IGSF10: variants seen among roughly 807,000 people sequenced by gnomAD.
IGSF10 encodes immunoglobulin superfamily member 10.
A neutral mutation model predicts 128.2 loss-of-function variants in IGSF10; 126 were observed. The ratio of observed to expected loss-of-function variants is 0.98; its 90% CI spans 0.85 to 1.14. The LOEUF (loss-of-function observed/expected upper bound fraction) is 1.14. Among genes scored for constraint, IGSF10 ranks in the 50% most tolerant of loss-of-function variants. The pLI is 0.00. For synonymous variants in IGSF10, 1,185 were observed against 1,146.2 expected (o/e 1.03, Z -0.68); for missense variants, 3,295 against 3,149.8 (o/e 1.05, Z -1.10).
rs1174047748 is a variant in IGSF10 at position 151,457,949 on chromosome 3, A to G, written c.194+567T>C. On this transcript the variant is annotated intron_variant, in intron 3 of 7. Coordinates refer to ENST00000282466, the MANE Select transcript of IGSF10 (RefSeq NM_178822.5). ...CCCAGTGCATAGTACATGCTCACTAATGTCAAATAAACGATGCTAAGTCCA... is the reference window on the plus strand; with the variant it reads ...CCCAGTGCATAGTACATGCTCACTAGTGTCAAATAAACGATGCTAAGTCCA... Among the ~76,000 whole-genome samples the G allele has an allele frequency of 3.3e-5, 5 of 152,222 alleles. No individual in the cohort carries two copies. The East Asian group carries it at 9.6e-4, about 29-fold the overall frequency.
In IGSF10 at chr3:151,461,052, G is replaced by A. The variant is rs550727917; in HGVS notation, c.-195C>T. The A allele has an allele frequency of 1.0e-6, 1 of 985,360 alleles. No homozygotes were observed. Among genetic ancestry groups the A allele is most frequent in the East Asian group, 1.1e-4 (1 of 8,810 alleles). 61.0% of individuals were successfully genotyped at this position (985,360 alleles called of 1,614,324 possible). A position where few individuals can be genotyped will look rare whatever the true frequency, so the allele number is the denominator to read the frequency against. On this transcript the variant is annotated 5_prime_UTR_variant, in exon 1 of 8. Coordinates refer to ENST00000282466, the MANE Select transcript of IGSF10 (RefSeq NM_178822.5). ...GCGGAGCTGGTCCGGAGCTCTGGGA[G>A]GGAAGGAAGGAAGGCGGAGCGAGGG...
the IGSF10 span, among the ~76,000 whole-genome samples, chr3:151,512,400 T>C: frequency 3.3e-5 from 5 of 152,140 alleles, no homozygotes; most frequent in Admixed American, 3.3e-4. Flanking sequence ...AATAAAGATG[T>C]TCTTTGAAAC....
At chr3:151,512,384 G>T in the IGSF10 span, among the ~76,000 whole-genome samples, 404 of 152,150 alleles carry the variant, frequency 2.7e-3, no homozygotes, top group African/African-American at 9.4e-3. Context: ...ACGAAATGAA[G>T]GCAGAAATAA....
chr3:151,562,755 G>A, the IGSF10 span, among the ~76,000 whole-genome samples: 1 of 152,066 alleles, frequency 6.6e-6, no homozygotes, highest in Non-Finnish European at 1.5e-5. Context: ...ATTGACTCCA[G>A]TAGGGAAGGC....
the IGSF10 span, among the ~76,000 whole-genome samples, chr3:151,517,501 T>G: frequency 6.6e-6 from 1 of 152,110 alleles, no homozygotes; most frequent in South Asian, 2.1e-4. Flanking sequence ...TGCAGTCATC[T>G]TAGAATGTCA....
At chr3:151,505,009 G>A in the IGSF10 span, among the ~76,000 whole-genome samples, 1 of 152,114 alleles carries the variant, frequency 6.6e-6, no homozygotes, top group Non-Finnish European at 1.5e-5. Flanking sequence ...GTCTTCTTCT[G>A]AGCCCTCCAA....
At chr3:151,567,388 C>T in the IGSF10 span, among the ~76,000 whole-genome samples, 1 of 152,204 alleles carries the variant, frequency 6.6e-6, no homozygotes, top group East Asian at 1.9e-4. Context: ...TAAACCAGGA[C>T]TGTAGAAATT....
the IGSF10 span, among the ~76,000 whole-genome samples, chr3:151,615,555 T>C: frequency 3.0e-3 from 455 of 152,284 alleles, 5 homozygotes; most frequent in Admixed American, 0.027. Flanking sequence ...ATTCAAATTA[T>C]GCTGGGCATA....
the IGSF10 span, among the ~76,000 whole-genome samples, chr3:151,602,021 A>G: frequency 1.3e-5 from 2 of 151,474 alleles, no homozygotes; most frequent in African/African-American, 2.4e-5. Flanking sequence ...TTAGCATCTT[A>G]AGATTTTTTT....
In IGSF10 at chr3:151,437,554, C is replaced by T; in HGVS notation, c.7007G>A (p.Arg2336Lys). 6 of 1,614,176 alleles carry T rather than the reference C, an allele frequency of 3.7e-6. No homozygotes were observed. Among genetic ancestry groups the T allele is most frequent in the Non-Finnish European group, 5.1e-6 (6 of 1,180,036 alleles). The change falls in exon 8 of 8, where the codon AGA becomes AAA. Residue 2336 changes from arginine to lysine, a missense_variant. Coordinates refer to ENST00000282466, the MANE Select transcript of IGSF10 (RefSeq NM_178822.5). Reference sequence around the variant, plus strand: ...ATTAAATGGATTTCTAAATGTCGGTCTTCTCAGCATTTCCAGTACTTCTAA... The same window carrying T: ...ATTAAATGGATTTCTAAATGTCGGTTTTCTCAGCATTTCCAGTACTTCTAA... ...VQLEVLEMLR[R>K]PTFRNPFNEK...
the IGSF10 span, among the ~76,000 whole-genome samples, chr3:151,534,809 G>A: frequency 8.6e-5 from 13 of 151,092 alleles, no homozygotes; most frequent in African/African-American, 3.2e-4. Flanking sequence ...GTATGTGTGT[G>A]TGTGTGTGTG....
chr3:151,509,501 C>T, the IGSF10 span, among the ~76,000 whole-genome samples: 1 of 152,152 alleles, frequency 6.6e-6, no homozygotes, highest in Non-Finnish European at 1.5e-5. Flanking sequence ...GGGGGTAGAG[C>T]CAAGATGGCT....
chr3:151,547,471 C>T, the IGSF10 span, among the ~76,000 whole-genome samples: 1 of 149,990 alleles, frequency 6.7e-6, no homozygotes. Flanking sequence ...TTATTCAAAA[C>T]TAAACTGTTG....
the IGSF10 span, among the ~76,000 whole-genome samples, chr3:151,580,672 C>T: frequency 3.2e-4 from 48 of 152,020 alleles, no homozygotes; most frequent in African/African-American, 1.1e-3. Context: ...GCAGTTTTAA[C>T]GTTAAAAAAA....
At chr3:151,504,121 CAAG>C in the IGSF10 span, among the ~76,000 whole-genome samples, 6 of 152,092 alleles carry the variant, frequency 3.9e-5, no homozygotes, top group Admixed American at 1.3e-4. Context: ...TGGCCCCAGG[CAAG>C]AAGAAGGGGC....
the IGSF10 span, among the ~76,000 whole-genome samples, chr3:151,549,315 T>C: frequency 3.3e-3 from 506 of 152,286 alleles, no homozygotes; most frequent in African/African-American, 0.012. Context: ...GTGCCTGCTG[T>C]CTACCAGCCC....
At chr3:151,592,340 C>T in the IGSF10 span, among the ~76,000 whole-genome samples, 1 of 152,106 alleles carries the variant, frequency 6.6e-6, no homozygotes, top group Admixed American at 6.5e-5. Flanking sequence ...TTTACTATTT[C>T]ATGGATGTTG....
chr3:151,453,279 T>G, intron 5 of IGSF10, 105 bp downstream of exon 5: 3 of 882,958 alleles, frequency 3.4e-6, no homozygotes, highest in Non-Finnish European at 5.1e-6. Context: ...TTCTGAGATG[T>G]TATTTTCTCT....
chr3:151,503,512 G>A, the IGSF10 span, among the ~76,000 whole-genome samples: 4,395 of 152,128 alleles, frequency 0.029, 210 homozygotes, highest in African/African-American at 0.099. Flanking sequence ...ACAGATTAGA[G>A]ACAAAGGAGT....
Sources: allele counts gnomAD v4.1 joint callset (sites outside exome capture counted in the v4.1 genomes callset), GRCh38; gene constraint gnomAD v4.1.1; transcripts MANE v1.5; gene names NCBI Gene and HGNC (gene_info 2026-07-23, HGNC 2026-07-21).